The following SGCD variants were observed in gnomAD, a reference collection of about 807,000 sequenced individuals.
SGCD encodes sarcoglycan delta.
In SGCD, 18 loss-of-function variants were observed where a neutral mutation model predicts 36.6. The observed-to-expected ratio is 0.49, with a 90% confidence interval of 0.34 to 0.73. The LOEUF is 0.73. SGCD is among the 30% of genes least tolerant of loss of function. The pLI, the probability that SGCD is intolerant of heterozygous loss-of-function variation, is 0.01. For missense variants in SGCD, 387 were observed against 346.7 expected (o/e 1.12, Z -0.92); for synonymous variants, 133 against 130.6 (o/e 1.02, Z -0.12).
chr5:155,874,105 TC>T (rs1310831937), intron 1 of SGCD, among the ~76,000 whole-genome samples: 1 of 151,910 alleles, frequency 6.6e-6, no homozygotes, highest in Non-Finnish European at 1.5e-5. Context: ...TTGCACTTTT[TC>T]CCCCTTCTTT....
chr5:156,724,375 C>T (rs1376022127), intron 7 of SGCD, among the ~76,000 whole-genome samples: 3 of 152,258 alleles, frequency 2.0e-5, no homozygotes, highest in Admixed American at 6.5e-5. Flanking sequence ...GAGGCCGAGG[C>T]AGGCAGATCA....
intron 1 of SGCD, among the ~76,000 whole-genome samples, chr5:156,080,011 G>C (rs111571767): frequency 0.066 from 9,983 of 152,280 alleles, 1,042 homozygotes; most frequent in African/African-American, 0.22. Context: ...TGGACACCCA[G>C]GCTTTCTGAT....
chr5:156,068,632 A>G (rs970460063), intron 1 of SGCD, among the ~76,000 whole-genome samples: 2 of 151,802 alleles, frequency 1.3e-5, no homozygotes, highest in Non-Finnish European at 2.9e-5. Flanking sequence ...CTTTGGGTAT[A>G]TACCCAGTAA....
chr5:156,437,503 A>G (rs1388043257), intron 3 of SGCD, among the ~76,000 whole-genome samples: 4 of 152,200 alleles, frequency 2.6e-5, no homozygotes, highest in African/African-American at 9.6e-5. Context: ...GATGGCACAA[A>G]GGATGCTAAG....
chr5:156,521,649 C>T (rs1049913943), intron 4 of SGCD, among the ~76,000 whole-genome samples: 7 of 152,144 alleles, frequency 4.6e-5, no homozygotes, highest in Non-Finnish European at 1.0e-4. Flanking sequence ...CAATGAGATA[C>T]CACCTCACGG....
Position 156,168,961 on chromosome 5 carries a change from G to A in SGCD, c.-44+44942G>A, listed in dbSNP as rs190899497. On this transcript the variant is annotated intron_variant, in intron 3 of 9. Coordinates refer to the SGCD transcript ENST00000517913. ...GTGATGGGATGATGAGTGTGCTTAT[G>A]GAGGGAGTGAGGCTGAGGGCTTCAG... Among the ~76,000 whole-genome samples the A allele has an allele frequency of 4.6e-5, 7 of 152,312 alleles. No homozygotes were observed. In the East Asian group the frequency reaches 1.4e-3, roughly 29 times the overall value.
At chr5:156,706,858 C>G (rs1280875860) in intron 7 of SGCD, among the ~76,000 whole-genome samples, 1 of 152,140 alleles carries the variant, frequency 6.6e-6, no homozygotes, top group African/African-American at 2.4e-5. Context: ...GACTCTTCCA[C>G]TGATCTTTCA....
At chr5:155,777,388 G>GGTTTTTTTTTTTTTTTT in the SGCD span, among the ~76,000 whole-genome samples, 1 of 148,470 alleles carries the variant, frequency 6.7e-6, no homozygotes, top group Non-Finnish European at 1.5e-5. Context: ...ACAGGATCTA[G>GGTTTTTTTTTTTTTTTT]CTCTGTTGTC....
chr5:156,220,581 C>T (rs1287567483), intron 3 of SGCD, among the ~76,000 whole-genome samples: 3 of 152,082 alleles, frequency 2.0e-5, no homozygotes, highest in Non-Finnish European at 4.4e-5. Flanking sequence ...TCTCTCATGG[C>T]CTCAGTCAAT....
intron 1 of SGCD, among the ~76,000 whole-genome samples, chr5:155,997,708 G>T (rs1392374282): frequency 6.6e-6 from 1 of 152,216 alleles, no homozygotes; most frequent in Non-Finnish European, 1.5e-5. Flanking sequence ...AATGCACTGT[G>T]TTCAAAAGAT....
chr5:156,749,306 G>A (rs1757063300), intron 7 of SGCD, among the ~76,000 whole-genome samples: 1 of 152,006 alleles, frequency 6.6e-6, no homozygotes, highest in Non-Finnish European at 1.5e-5. Context: ...TGCCGTCAAA[G>A]AAAAATTCAT....
intron 1 of SGCD, among the ~76,000 whole-genome samples, chr5:156,047,307 TG>T (rs1286365956): frequency 1.1e-4 from 16 of 152,120 alleles, no homozygotes; most frequent in Admixed American, 1.0e-3. Context: ...TCGATGAAGG[TG>T]GCTATACCCA....
the SGCD span, among the ~76,000 whole-genome samples, chr5:155,741,576 C>T: frequency 1.3e-5 from 2 of 151,930 alleles, no homozygotes; most frequent in Non-Finnish European, 2.9e-5. Context: ...TAATGCTGGT[C>T]AGTTGTGCCT....
chr5:156,297,230 C>G (rs969943828), intron 3 of SGCD, among the ~76,000 whole-genome samples: 1 of 151,992 alleles, frequency 6.6e-6, no homozygotes, highest in African/African-American at 2.4e-5. Flanking sequence ...GTCAGTGTGG[C>G]GATTCCTCAG....
At chr5:156,330,733 GA>G (rs1176664946) in intron 2 of SGCD, among the ~76,000 whole-genome samples, 5 of 152,310 alleles carry the variant, frequency 3.3e-5, no homozygotes, top group Admixed American at 3.3e-4. Flanking sequence ...CGAAAAGGAA[GA>G]GGGTGATTGT....
chr5:156,526,703 ATAACT>A (rs1757655881), intron 4 of SGCD, among the ~76,000 whole-genome samples: 1 of 152,192 alleles, frequency 6.6e-6, no homozygotes, highest in African/African-American at 2.4e-5. Context: ...TTTTCCTCTT[ATAACT>A]TATTGTGGAC....
rs112566484 is a variant in SGCD at position 156,054,224 on chromosome 5, C to G, written c.-281-63654C>G. Reference sequence around the variant, plus strand: ...ACCACTTTCTTGCAAAGCTAAAGTGCAACACCAAACATCTGGATGTTTGGA... The same window carrying G: ...ACCACTTTCTTGCAAAGCTAAAGTGGAACACCAAACATCTGGATGTTTGGA... On this transcript the variant is annotated intron_variant, in intron 1 of 9. Coordinates refer to the SGCD transcript ENST00000517913. 2.5e-3 allele frequency among the ~76,000 whole-genome samples: 366 copies of G among 144,882 alleles called. 21 individuals are homozygous for G. The highest frequency in any genetic ancestry group is 8.9e-3 in the African/African-American group (358 of 40,422).
At position 156,589,238 on chromosome 5, in the gene SGCD, C is replaced by T. The variant is rs998747913; in HGVS notation, c.302C>T (p.Ala101Val). 1 of 1,559,976 alleles carries T rather than the reference C, an allele frequency of 6.4e-7. No individual in the cohort carries two copies. Reference sequence around the variant, plus strand: ...CTTATTTTCTTATTGCAGGGTAATGCCCTGTACTTCAAGTCTGCCAGAAAT... The same window carrying T: ...CTTATTTTCTTATTGCAGGGTAATGTCCTGTACTTCAAGTCTGCCAGAAAT... ...AKEIQSRPGNALYFKSARNVT... is the reference protein window; with the variant it reads ...AKEIQSRPGNVLYFKSARNVT... The change falls in exon 5 of 9, where the codon GCC becomes GTC. Residue 101 changes from alanine to valine, a missense_variant. Physicochemically the swap from Ala to Val is moderately conservative, Grantham distance 64. Transcript: ENST00000337851.
chr5:156,650,248 TA>T (rs1763410243), intron 7 of SGCD, among the ~76,000 whole-genome samples: 1 of 152,132 alleles, frequency 6.6e-6, no homozygotes, highest in Non-Finnish European at 1.5e-5. Flanking sequence ...ACAAAATAAA[TA>T]AATACTTTGT....
Sources: allele counts gnomAD v4.1 joint callset (sites outside exome capture counted in the v4.1 genomes callset), GRCh38; gene constraint gnomAD v4.1.1; transcripts MANE v1.5; gene names NCBI Gene and HGNC (gene_info 2026-07-23, HGNC 2026-07-21).